CD84: variants seen among roughly 807,000 people sequenced by gnomAD.
The protein encoded by CD84 is SLAM family member 5.
Under a neutral mutation model 33.8 loss-of-function variants are expected in CD84, and 22 were observed. The observed-to-expected ratio is 0.65, with a 90% confidence interval of 0.46 to 0.93. CD84 has a LOEUF of 0.93. Among genes scored for constraint, CD84 ranks in the 40% least tolerant of loss-of-function variants. The probability of loss-of-function intolerance (pLI) is 0.00; values close to 1 mark genes in which losing one functional copy is unlikely to be tolerated. For missense variants in CD84, 400 were observed against 397.6 expected (o/e 1.01, Z -0.05); for synonymous variants, 154 against 145.2 (o/e 1.06, Z -0.44).
intron 2 of CD84, among the ~76,000 whole-genome samples, chr1:160,559,444 G>A (rs1487902519): frequency 1.3e-5 from 2 of 151,968 alleles, no homozygotes; most frequent in South Asian, 2.1e-4. Flanking sequence ...AGGAATTTGC[G>A]ACCACCAGGC....
chr1:160,568,752 C>T (rs1201570729), intron 1 of CD84, among the ~76,000 whole-genome samples: 4 of 152,226 alleles, frequency 2.6e-5, no homozygotes, highest in Non-Finnish European at 5.9e-5. Context: ...ACCCAAGTAG[C>T]TGGGATTACA....
In CD84 at chr1:160,547,850, TC is replaced by T. The variant is rs1419881944; in HGVS notation, c.*405del. On this transcript the variant is annotated 3_prime_UTR_variant, in exon 7 of 7. Transcript: ENST00000368054. The stretch of plus-strand genomic sequence containing the variant: ...CTATTACAGGTGTGCAAAATATTGA[TC>T]CCCTTCTCCCACAGTTACTGGGCAG... 35 of 230,818 alleles carry T rather than the reference TC, an allele frequency of 1.5e-4. No individual in the cohort carries two copies. Among genetic ancestry groups the T allele is most frequent in the Middle Eastern group, 1.6e-3 (1 of 612 alleles). 14.3% of individuals were successfully genotyped at this position (230,818 alleles called of 1,614,324 possible).
chr1:160,554,730 A>T (rs1199699320), intron 2 of CD84, among the ~76,000 whole-genome samples: 1 of 152,164 alleles, frequency 6.6e-6, no homozygotes. Flanking sequence ...CTTTTTTCTT[A>T]TTATTTAACT....
chr1:160,570,788 A>C (rs1326957749), intron 1 of CD84, among the ~76,000 whole-genome samples: 1 of 152,176 alleles, frequency 6.6e-6, no homozygotes, highest in African/African-American at 2.4e-5. Context: ...CCTGAGCCCA[A>C]GGGGGTCAAG....
At chr1:160,559,592 G>A (rs1010181912) in intron 2 of CD84, among the ~76,000 whole-genome samples, 5 of 152,134 alleles carry the variant, frequency 3.3e-5, no homozygotes, top group Non-Finnish European at 5.9e-5. Flanking sequence ...AAAATAACCA[G>A]CTAGCATAAT....
At position 160,547,942 on chromosome 1, in the gene CD84, T is replaced by C. The variant is rs1655930120; in HGVS notation, c.*314A>G. 5.6e-6 allele frequency: 2 copies of C among 360,020 alleles called. No individual in the cohort carries two copies. The highest frequency in any genetic ancestry group is 5.3e-5 in the South Asian group (2 of 37,410). The allele number at this position is 360,020 out of a possible 1,614,324, so 22.3% of individuals were successfully genotyped here. On this transcript the variant is annotated 3_prime_UTR_variant, in exon 7 of 7. Transcript: ENST00000368054. ...AGCTTCCAGAAGTGAGCAATCTTGC[T>C]TGTTTATCCCAGTGTGCCATAAAAA...
At chr1:160,565,314 G>C (rs1332558734) in intron 2 of CD84, 90 bp downstream of exon 2, 3 of 906,092 alleles carry the variant, frequency 3.3e-6, no homozygotes, top group Non-Finnish European at 5.1e-6. Context: ...AGATTTAGGG[G>C]ACCCAATTAT....
intron 1 of CD84, among the ~76,000 whole-genome samples, chr1:160,578,365 G>A (rs967644933): frequency 1.3e-5 from 2 of 152,202 alleles, no homozygotes; most frequent in Admixed American, 6.5e-5. Context: ...ATTCTAGAGC[G>A]ACCAGCAGAG....
chr1:160,557,831 G>C (rs935699648), intron 2 of CD84, among the ~76,000 whole-genome samples: 1 of 152,200 alleles, frequency 6.6e-6, no homozygotes, highest in African/African-American at 2.4e-5. Context: ...GCTTTGGAGA[G>C]TTCAAATGAT....
intron 1 of CD84, among the ~76,000 whole-genome samples, chr1:160,566,656 A>G (rs1449541612): frequency 6.6e-6 from 1 of 152,230 alleles, no homozygotes; most frequent in East Asian, 1.9e-4. Context: ...AATCAGAGGA[A>G]GATACCAATG....
At chr1:160,573,348 C>A (rs1657807741) in intron 1 of CD84, among the ~76,000 whole-genome samples, 1 of 152,002 alleles carries the variant, frequency 6.6e-6, no homozygotes, top group South Asian at 2.1e-4. Context: ...CCCCATAATT[C>A]TCCTTAGATT....
At chr1:160,575,941 A>T (rs1271792192) in intron 1 of CD84, among the ~76,000 whole-genome samples, 2 of 152,160 alleles carry the variant, frequency 1.3e-5, no homozygotes, top group African/African-American at 4.8e-5. Flanking sequence ...CAGGGGGAAC[A>T]GCTTTCCACC....
At chr1:160,563,162 T>C (rs1415142036) in intron 2 of CD84, among the ~76,000 whole-genome samples, 1 of 152,134 alleles carries the variant, frequency 6.6e-6, no homozygotes, top group East Asian at 1.9e-4. Flanking sequence ...ATTAGTTAAT[T>C]CCAACCATTG....
At chr1:160,575,763 T>G (rs1253112313) in intron 1 of CD84, among the ~76,000 whole-genome samples, 1 of 152,132 alleles carries the variant, frequency 6.6e-6, no homozygotes, top group Non-Finnish European at 1.5e-5. Flanking sequence ...AGGTTTGATT[T>G]AGGAATACTC....
intron 1 of CD84, among the ~76,000 whole-genome samples, chr1:160,573,020 A>G (rs1657790096): frequency 6.6e-6 from 1 of 152,064 alleles, no homozygotes; most frequent in Admixed American, 6.6e-5. Context: ...TAAGATGATA[A>G]CCCTGTTTCC....
intron 1 of CD84, among the ~76,000 whole-genome samples, chr1:160,575,899 C>T (rs1657969766): frequency 6.6e-6 from 1 of 152,166 alleles, no homozygotes; most frequent in African/African-American, 2.4e-5. Context: ...AGGTAGGCCT[C>T]CGCTGCCTTC....
rs531739360 is a variant in CD84, at chr1:160,553,761, A to T, written c.640+134T>A. 6.1e-5 allele frequency: 85 copies of T among 1,383,442 alleles called. No homozygotes were observed. In the South Asian group the frequency reaches 1.1e-3, roughly 18 times the overall value. The allele number at this position is 1,383,442 out of a possible 1,614,324, so 85.7% of individuals were successfully genotyped here. On this transcript the variant is annotated intron_variant, in intron 3 of 6. Transcript: ENST00000368054. ...CCTCTTTCCCAGTAGGCTTCTTGGG[A>T]GGTGATGCCCTCAGTGACCAGGCCA...
chr1:160,548,239 G>A lies in CD84; in HGVS notation c.*17C>T, dbSNP rs1425512054. On this transcript the variant is annotated 3_prime_UTR_variant, in exon 7 of 7. Coordinates refer to ENST00000368054, the MANE Select transcript of CD84 (RefSeq NM_003874.4). ...GGTTGTAACTCAGTTTCCAGAGGGAGAATTCAGCCCAGCAGCCTAGATCAC... is the reference window on the plus strand; with the variant it reads ...GGTTGTAACTCAGTTTCCAGAGGGAAAATTCAGCCCAGCAGCCTAGATCAC... 1 of 1,613,772 alleles carries A rather than the reference G, an allele frequency of 6.2e-7. No individual in the cohort carries two copies. Among genetic ancestry groups the A allele is most frequent in the Non-Finnish European group, 8.5e-7 (1 of 1,179,798 alleles).
chr1:160,546,160 G>T lies in CD84; in HGVS notation c.*2096C>A, dbSNP rs11548713. The T allele has an allele frequency of 6.6e-6, 1 of 151,606 alleles. No individual in the cohort carries two copies. The highest frequency in any genetic ancestry group is 1.5e-5 in the Non-Finnish European group (1 of 68,006). The allele number at this position is 151,606 out of a possible 1,614,324, so 9.4% of individuals were successfully genotyped here. ...TGTGCCACCACACCTGGCTAATTTC[G>T]TATTTTTAGTAGAGATGGGGTTTCA... On this transcript the variant is annotated 3_prime_UTR_variant, in exon 7 of 7. Coordinates refer to ENST00000368054, the MANE Select transcript of CD84 (RefSeq NM_003874.4).
Sources: gnomAD v4.1 joint callset for allele counts (sites outside exome capture counted in the v4.1 genomes callset) on GRCh38, gnomAD v4.1.1 for gene constraint, MANE v1.5 for transcripts, NCBI Gene and HGNC (gene_info 2026-07-23, HGNC 2026-07-21) for gene names.